The following ANXA8 variants were observed in gnomAD, a reference collection of about 807,000 sequenced individuals.
The protein encoded by ANXA8 is VAC-beta.
In ANXA8, 9 loss-of-function variants were observed where a neutral mutation model predicts 26.8. That is an observed-to-expected ratio of 0.34 (90% CI 0.20 to 0.59). ANXA8 has a LOEUF of 0.59. Ranked by LOEUF, ANXA8 falls within the 20% of genes least tolerant of loss-of-function variation. The pLI is 0.84. For synonymous variants in ANXA8, 39 were observed against 94.8 expected, an observed-to-expected ratio of 0.41 and a Z score of 3.42; for missense variants, 83 against 238.5, an observed-to-expected ratio of 0.35 and a Z score of 4.29.
the ANXA8 span, among the ~76,000 whole-genome samples, chr10:47,660,046 A>T: frequency 6.8e-6 from 1 of 147,410 alleles, no homozygotes; most frequent in Non-Finnish European, 1.5e-5. Context: ...AGAGCCACCA[A>T]GCCCGGCCTG....
chr10:47,565,841 C>T, the ANXA8 span: 5 of 1,277,506 alleles, frequency 3.9e-6, no homozygotes, highest in East Asian at 3.1e-5. Flanking sequence ...GGGCTGAGCC[C>T]GGGACGCGCG....
chr10:47,959,141 T>G, the ANXA8 span, among the ~76,000 whole-genome samples: 13 of 134,794 alleles, frequency 9.6e-5, no homozygotes, highest in African/African-American at 2.8e-4. Flanking sequence ...GCCCAGAGGG[T>G]AGGGGGAGAA....
the ANXA8 span, among the ~76,000 whole-genome samples, chr10:47,939,375 C>T: frequency 7.1e-6 from 1 of 141,588 alleles, no homozygotes; most frequent in South Asian, 2.2e-4. Context: ...AATACTTGAT[C>T]TTTGCAGCTT....
the ANXA8 span, among the ~76,000 whole-genome samples, chr10:47,682,954 G>A: frequency 6.6e-6 from 1 of 152,338 alleles, no homozygotes; most frequent in Non-Finnish European, 1.5e-5. Flanking sequence ...AGTTGTTGAT[G>A]AGAATGTGAT....
At chr10:47,516,075 C>A in the ANXA8 span, among the ~76,000 whole-genome samples, 1 of 114,030 alleles carries the variant, frequency 8.8e-6, no homozygotes, top group Admixed American at 9.3e-5. Flanking sequence ...CACAGAATAT[C>A]CCAGAACTAG....
the ANXA8 span, among the ~76,000 whole-genome samples, chr10:47,983,033 A>C: frequency 2.8e-5 from 3 of 107,810 alleles, no homozygotes; most frequent in African/African-American, 9.9e-5. Flanking sequence ...AACCGCAATA[A>C]GATACAACTA....
chr10:47,928,996 CT>C, the ANXA8 span, among the ~76,000 whole-genome samples: 67,912 of 135,078 alleles, frequency 0.5, 11,742 homozygotes, highest in Non-Finnish European at 0.55. Context: ...GCTGGTTTTC[CT>C]TTTTTTTTTC....
the ANXA8 span, among the ~76,000 whole-genome samples, chr10:47,653,110 G>C: frequency 2.0e-5 from 3 of 150,648 alleles, no homozygotes; most frequent in Non-Finnish European, 4.4e-5. Context: ...TTAGGAGTTC[G>C]AGACCAGCCT....
At chr10:47,495,200 G>T in the ANXA8 span, among the ~76,000 whole-genome samples, 17,546 of 144,932 alleles carry the variant, frequency 0.12, 309 homozygotes, top group South Asian at 0.19. Flanking sequence ...GGGAAACAGA[G>T]AAACAGAGAA....
At chr10:47,608,284 A>ATTC in the ANXA8 span, among the ~76,000 whole-genome samples, 1 of 67,914 alleles carries the variant, frequency 1.5e-5, no homozygotes, top group South Asian at 6.0e-4. Flanking sequence ...TTTATCTCAA[A>ATTC]TTCTTCTTGA....
chr10:47,469,827 C>T lies in ANXA8; in HGVS notation c.925-921G>A, dbSNP rs1421849500. Among the ~76,000 whole-genome samples, 12 of 151,528 alleles carry T rather than the reference C, an allele frequency of 7.9e-5. No individual in the cohort carries two copies. The East Asian group carries it at 2.3e-3, about 29-fold the overall frequency. On this transcript the variant is annotated intron_variant, in intron 11 of 11. Coordinates refer to ENST00000585281, the MANE Select transcript of ANXA8 (RefSeq NM_001040084.3). The stretch of plus-strand genomic sequence containing the variant: ...ACTTTTCACCATTTAGTAAAATTTG[C>T]CTGTTTTGAGCCTGAAATCTCATTA...
chr10:47,637,348 A>G, the ANXA8 span, among the ~76,000 whole-genome samples: 2 of 149,190 alleles, frequency 1.3e-5, no homozygotes, highest in Non-Finnish European at 2.9e-5. Flanking sequence ...AATGAATTTC[A>G]AAGAATCTCA....
At chr10:47,671,635 T>C in the ANXA8 span, among the ~76,000 whole-genome samples, 6 of 151,660 alleles carry the variant, frequency 4.0e-5, no homozygotes, top group African/African-American at 1.5e-4. Flanking sequence ...CACATATTTG[T>C]TGAAGGGCTC....
chr10:47,590,827 T>C, the ANXA8 span, among the ~76,000 whole-genome samples: 4 of 132,214 alleles, frequency 3.0e-5, no homozygotes, highest in Non-Finnish European at 6.1e-5. Flanking sequence ...TCTCATCTTA[T>C]CCCTTTCGTT....
chr10:47,555,438 C>T, the ANXA8 span, among the ~76,000 whole-genome samples: 36 of 151,796 alleles, frequency 2.4e-4, no homozygotes, highest in African/African-American at 8.5e-4. Flanking sequence ...TCCTACTAGT[C>T]TGTGCCTGGT....
the ANXA8 span, among the ~76,000 whole-genome samples, chr10:47,717,898 T>C: frequency 6.6e-6 from 1 of 150,692 alleles, no homozygotes; most frequent in Admixed American, 6.7e-5. Flanking sequence ...CTTGGGAGGC[T>C]GAGGCAGGAA....
At chr10:47,916,671 G>C in the ANXA8 span, among the ~76,000 whole-genome samples, 8 of 136,430 alleles carry the variant, frequency 5.9e-5, no homozygotes, top group Admixed American at 1.4e-4. Flanking sequence ...CAAGGGAGCT[G>C]TTTGCTGCTT....
At chr10:47,580,757 A>AC in the ANXA8 span, among the ~76,000 whole-genome samples, 98,353 of 140,382 alleles carry the variant, frequency 0.7, 34,070 homozygotes, top group South Asian at 0.78. Flanking sequence ...ACAAAACAAA[A>AC]AAAAAAAACA....
At chr10:47,969,757 C>T in the ANXA8 span, among the ~76,000 whole-genome samples, 1 of 150,302 alleles carries the variant, frequency 6.7e-6, no homozygotes, top group Non-Finnish European at 1.5e-5. Context: ...GCTTTGTTGC[C>T]TAGGCTGGAG....
Sources: allele counts gnomAD v4.1 joint callset (sites outside exome capture counted in the v4.1 genomes callset), GRCh38; gene constraint gnomAD v4.1.1; transcripts MANE v1.5; gene names NCBI Gene and HGNC (gene_info 2026-07-23, HGNC 2026-07-21).